The following PPARGC1A variants were observed in gnomAD, a reference collection of about 807,000 sequenced individuals.
PPARGC1A encodes PPARG coactivator 1 alpha.
In PPARGC1A, 25 loss-of-function variants were observed where a neutral mutation model predicts 88.7. The ratio of observed to expected loss-of-function variants is 0.28; its 90% CI spans 0.21 to 0.39. The LOEUF (loss-of-function observed/expected upper bound fraction) is 0.39. PPARGC1A is among the 10% of genes least tolerant of loss of function. The probability of loss-of-function intolerance (pLI) is 1.00; values close to 1 mark genes in which losing one functional copy is unlikely to be tolerated. For missense variants in PPARGC1A, 880 were observed against 968.7 expected (o/e 0.91, Z 1.22); for synonymous variants, 363 against 355.6 (o/e 1.02, Z -0.24).
Position 23,814,493 on chromosome 4 carries a change from C to T in PPARGC1A, c.990G>A (p.Lys330=), listed in dbSNP as rs1414798473. 6.2e-7 allele frequency: 1 copy of T among 1,613,372 alleles called. No individual in the cohort carries two copies. Among genetic ancestry groups the T allele is most frequent in the Non-Finnish European group, 8.5e-7 (1 of 1,179,862 alleles). ...TACCAGAAGACTCACTGTACCTGGG[C>T]TTCTTTGATGGTGGTGGCACCACAG... The part of the protein sequence containing the change: ...CKTVVPPPSK[K]PRYSESSGTQ... Residue 330 remains lysine (K), a synonymous_variant, in exon 8 of 13, where the codon AAG becomes AAA. Coordinates refer to ENST00000264867, the MANE Select transcript of PPARGC1A (RefSeq NM_013261.5).
the PPARGC1A span, among the ~76,000 whole-genome samples, chr4:23,994,506 G>T: frequency 6.6e-6 from 1 of 152,118 alleles, no homozygotes; most frequent in East Asian, 1.9e-4. Context: ...AGAAGGGGGG[G>T]CGGTGAGAAG....
chr4:23,937,051 G>T, the PPARGC1A span, among the ~76,000 whole-genome samples: 1 of 151,758 alleles, frequency 6.6e-6, no homozygotes, highest in Non-Finnish European at 1.5e-5. Context: ...GACCAGGAGG[G>T]GTGCCATGAA....
At chr4:24,127,187 A>G in the PPARGC1A span, among the ~76,000 whole-genome samples, 1 of 151,876 alleles carries the variant, frequency 6.6e-6, no homozygotes, top group South Asian at 2.1e-4. Flanking sequence ...TTTTGTTTTT[A>G]TTTTTCCCCC....
the PPARGC1A span, among the ~76,000 whole-genome samples, chr4:24,263,337 T>G: frequency 1.3e-5 from 2 of 152,192 alleles, no homozygotes; most frequent in African/African-American, 4.8e-5. Flanking sequence ...AGTTGTCATA[T>G]TTCATGCAGA....
At chr4:24,246,755 A>G in the PPARGC1A span, among the ~76,000 whole-genome samples, 2 of 152,230 alleles carry the variant, frequency 1.3e-5, no homozygotes, top group African/African-American at 4.8e-5. Flanking sequence ...CCACGGAACC[A>G]TCTTCCGGGA....
chr4:23,879,262 A>C (rs1214945550), intron 2 of PPARGC1A, among the ~76,000 whole-genome samples: 1 of 152,178 alleles, frequency 6.6e-6, no homozygotes, highest in Admixed American at 6.5e-5. Context: ...CTGTCTGACC[A>C]CAGGCACAGT....
chr4:24,231,667 C>T, the PPARGC1A span, among the ~76,000 whole-genome samples: 1 of 152,148 alleles, frequency 6.6e-6, no homozygotes, highest in Admixed American at 6.5e-5. Flanking sequence ...CGGGAAGAAA[C>T]TGTATTTCCA....
chr4:24,167,768 T>G, the PPARGC1A span, among the ~76,000 whole-genome samples: 2 of 152,176 alleles, frequency 1.3e-5, no homozygotes, highest in African/African-American at 2.4e-5. Context: ...TTAGGGTTTT[T>G]GTTGAGACAG....
At chr4:23,924,246 T>A in the PPARGC1A span, among the ~76,000 whole-genome samples, 7 of 152,256 alleles carry the variant, frequency 4.6e-5, no homozygotes, top group African/African-American at 1.7e-4. Context: ...CTTTGCCTTA[T>A]CCTTCCTATG....
the PPARGC1A span, among the ~76,000 whole-genome samples, chr4:23,975,563 G>T: frequency 6.6e-6 from 1 of 151,942 alleles, no homozygotes; most frequent in South Asian, 2.1e-4. Flanking sequence ...GATTACAGGC[G>T]CATGCCACCA....
the PPARGC1A span, among the ~76,000 whole-genome samples, chr4:24,070,490 G>A: frequency 6.6e-6 from 1 of 152,138 alleles, no homozygotes; most frequent in Non-Finnish European, 1.5e-5. Context: ...ATCACACACA[G>A]AACTTGCTCT....
chr4:24,190,812 T>C, the PPARGC1A span, among the ~76,000 whole-genome samples: 1 of 152,144 alleles, frequency 6.6e-6, no homozygotes, highest in Non-Finnish European at 1.5e-5. Flanking sequence ...TCAGCCCTCA[T>C]TCCCTTCTCA....
Position 23,876,110 on chromosome 4 carries a change from A to G in PPARGC1A, c.234+8642T>C, listed in dbSNP as rs183104847. On this transcript the variant is annotated intron_variant, in intron 2 of 12. Coordinates refer to ENST00000264867, the MANE Select transcript of PPARGC1A (RefSeq NM_013261.5). The stretch of plus-strand genomic sequence containing the variant: ...CCTTAATAACACAGATAGCATAGTT[A>G]GTTAATTTGTGTGTTGAGCCATGGA... 4 of 152,606 alleles carry G rather than the reference A, an allele frequency of 2.6e-5. No homozygotes were observed. The East Asian group carries it at 7.7e-4, about 29-fold the overall frequency. The allele number at this position is 152,606 out of a possible 1,614,324, so 9.5% of individuals were successfully genotyped here. A position where few individuals can be genotyped will look rare whatever the true frequency, so the allele number is the denominator to read the frequency against.
chr4:23,867,195 T>C (rs532704760), intron 2 of PPARGC1A, among the ~76,000 whole-genome samples: 29 of 152,318 alleles, frequency 1.9e-4, no homozygotes, highest in Admixed American at 1.2e-3. Flanking sequence ...TTCATGGTAC[T>C]TCATTTCTGA....
At chr4:24,178,234 T>C in the PPARGC1A span, among the ~76,000 whole-genome samples, 4 of 152,218 alleles carry the variant, frequency 2.6e-5, no homozygotes, top group East Asian at 7.7e-4. Context: ...ATTGAATCGA[T>C]GCCTTCCAGA....
the PPARGC1A span, among the ~76,000 whole-genome samples, chr4:24,001,178 A>G: frequency 6.6e-6 from 1 of 152,244 alleles, no homozygotes; most frequent in African/African-American, 2.4e-5. Flanking sequence ...AGAGCTCAAG[A>G]TTACCTTACC....
the PPARGC1A span, among the ~76,000 whole-genome samples, chr4:24,127,696 G>A: frequency 6.6e-6 from 1 of 151,998 alleles, no homozygotes; most frequent in Non-Finnish European, 1.5e-5. Flanking sequence ...ACTAACTTGG[G>A]CCCGGAGGAC....
the PPARGC1A span, among the ~76,000 whole-genome samples, chr4:24,374,595 A>G: frequency 2.0e-4 from 31 of 152,130 alleles, no homozygotes; most frequent in African/African-American, 6.0e-4. Flanking sequence ...CTGAAGAGAC[A>G]TTTCTCTAAA....
At chr4:24,071,539 T>C in the PPARGC1A span, among the ~76,000 whole-genome samples, 1 of 152,160 alleles carries the variant, frequency 6.6e-6, no homozygotes, top group Admixed American at 6.6e-5. Flanking sequence ...AAGTACATTA[T>C]AATTTTTATT....
Sources: gnomAD v4.1 joint callset for allele counts (sites outside exome capture counted in the v4.1 genomes callset) on GRCh38, gnomAD v4.1.1 for gene constraint, MANE v1.5 for transcripts, NCBI Gene and HGNC (gene_info 2026-07-23, HGNC 2026-07-21) for gene names.